Variants in CACNA2D3 observed in about 807,000 individuals in gnomAD.
CACNA2D3 encodes the protein calcium voltage-gated channel auxiliary subunit alpha2delta 3, also known as voltage-dependent calcium channel subunit alpha-2/delta-3.
In CACNA2D3, 60 loss-of-function variants were observed where a neutral mutation model predicts 160.6. The ratio of observed to expected loss-of-function variants is 0.37; its 90% CI spans 0.30 to 0.46. The LOEUF is 0.46. CACNA2D3 is among the 20% of genes least tolerant of loss of function. The probability of loss-of-function intolerance (pLI) is 1.00; values close to 1 mark genes in which losing one functional copy is unlikely to be tolerated. For missense variants in CACNA2D3, 1,205 were observed against 1,365.0 expected, an observed-to-expected ratio of 0.88 and a Z score of 1.85; for synonymous variants, 558 against 492.9, an observed-to-expected ratio of 1.13 and a Z score of -1.75.
intron 5 of CACNA2D3, among the ~76,000 whole-genome samples, chr3:54,534,665 A>G (rs1406068084): frequency 6.6e-6 from 1 of 152,112 alleles, no homozygotes; most frequent in African/African-American, 2.4e-5. Context: ...GCTCATGCCT[A>G]TAATCCCAAC....
chr3:54,972,381 G>A (rs1702294244), intron 29 of CACNA2D3, among the ~76,000 whole-genome samples: 1 of 152,172 alleles, frequency 6.6e-6, no homozygotes, highest in South Asian at 2.1e-4. Flanking sequence ...AGAAAAGTCA[G>A]TCCTGCCTTC....
intron 13 of CACNA2D3, among the ~76,000 whole-genome samples, chr3:54,791,868 C>A (rs1012615620): frequency 3.3e-5 from 5 of 152,160 alleles, no homozygotes; most frequent in Non-Finnish European, 5.9e-5. Context: ...AAGTTTGTTT[C>A]CTGGCAAGCA....
chr3:55,016,960 G>T (rs1456143261), intron 34 of CACNA2D3, among the ~76,000 whole-genome samples: 1 of 152,152 alleles, frequency 6.6e-6, no homozygotes, highest in African/African-American at 2.4e-5. Flanking sequence ...AGCACTGATG[G>T]CTTGCTTAGT....
intron 17 of CACNA2D3, among the ~76,000 whole-genome samples, 166 bp from the exon 18 acceptor site, chr3:54,871,373 C>T (rs1040238068): frequency 2.0e-5 from 3 of 152,166 alleles, no homozygotes; most frequent in African/African-American, 7.2e-5. Flanking sequence ...CTTGGCTTTC[C>T]TGTCATTAAA....
chr3:54,581,903 C>T (rs757797095), intron 9 of CACNA2D3, 26 bp downstream of exon 9: 14 of 1,590,272 alleles, frequency 8.8e-6, no homozygotes, highest in Non-Finnish European at 1.1e-5. Context: ...GGGAGCATTC[C>T]AGTCATGGTA....
At chr3:54,665,705 C>G (rs1700053574) in intron 11 of CACNA2D3, among the ~76,000 whole-genome samples, 2 of 150,620 alleles carry the variant, frequency 1.3e-5, no homozygotes, top group Non-Finnish European at 3.0e-5. Flanking sequence ...TCTTTGGCCC[C>G]AAATTTTATG....
At chr3:54,736,164 CAG>C (rs1483129128) in intron 11 of CACNA2D3, among the ~76,000 whole-genome samples, 63 of 97,664 alleles carry the variant, frequency 6.5e-4, no homozygotes, top group African/African-American at 1.5e-3. Context: ...CACACACACA[CAG>C]ACACACATAA....
chr3:54,475,434 T>G (rs978434605), intron 4 of CACNA2D3, among the ~76,000 whole-genome samples: 1 of 152,176 alleles, frequency 6.6e-6, no homozygotes, highest in African/African-American at 2.4e-5. Flanking sequence ...CTGTTTTGCT[T>G]TGTTTTATTT....
At chr3:54,812,235 T>G (rs914918504) in intron 13 of CACNA2D3, among the ~76,000 whole-genome samples, 1 of 152,176 alleles carries the variant, frequency 6.6e-6, no homozygotes, top group African/African-American at 2.4e-5. Flanking sequence ...ATATCTTTAA[T>G]AGAGTCATTT....
chr3:54,627,998 C>T (rs544307261), intron 10 of CACNA2D3, 122 bp downstream of exon 10: 101 of 684,142 alleles, frequency 1.5e-4, no homozygotes, highest in South Asian at 1.3e-3. Flanking sequence ...TTTGGGAGGC[C>T]GAGATGGGCG....
At chr3:54,199,002 T>C (rs1397691676) in intron 2 of CACNA2D3, among the ~76,000 whole-genome samples, 1 of 152,246 alleles carries the variant, frequency 6.6e-6, no homozygotes, top group Admixed American at 6.5e-5. Context: ...CCTTTTCTTT[T>C]CTCATCATTT....
intron 10 of CACNA2D3, among the ~76,000 whole-genome samples, chr3:54,636,466 A>T (rs1232073770): frequency 6.6e-6 from 1 of 151,990 alleles, no homozygotes; most frequent in African/African-American, 2.4e-5. Flanking sequence ...TGCGTCAGGT[A>T]TGAGGAAGAA....
chr3:54,457,366 T>C (rs1700417842), intron 4 of CACNA2D3, among the ~76,000 whole-genome samples: 1 of 152,090 alleles, frequency 6.6e-6, no homozygotes, highest in African/African-American at 2.4e-5. Flanking sequence ...TTTGTATAGT[T>C]CTGAAAGTTC....
intron 2 of CACNA2D3, among the ~76,000 whole-genome samples, chr3:54,135,562 C>G (rs1461183862): frequency 6.6e-6 from 1 of 152,222 alleles, no homozygotes; most frequent in Admixed American, 6.5e-5. Flanking sequence ...TCACTCCAGC[C>G]TCTGCTTCCT....
At chr3:54,608,015 A>G (rs1186081487) in intron 9 of CACNA2D3, among the ~76,000 whole-genome samples, 1 of 152,076 alleles carries the variant, frequency 6.6e-6, no homozygotes, top group African/African-American at 2.4e-5. Context: ...GGAGGGGAGT[A>G]TAGGGCGATA....
At chr3:54,173,890 G>A (rs897617461) in intron 2 of CACNA2D3, among the ~76,000 whole-genome samples, 24 of 152,166 alleles carry the variant, frequency 1.6e-4, no homozygotes, top group African/African-American at 5.8e-4. Context: ...GTAAATCCCT[G>A]TGAGCTTGTT....
At chr3:54,582,370 T>C (rs973243257) in intron 9 of CACNA2D3, among the ~76,000 whole-genome samples, 4 of 152,230 alleles carry the variant, frequency 2.6e-5, no homozygotes, top group Admixed American at 1.3e-4. Flanking sequence ...CCATTAATAT[T>C]GTGGAACAAA....
chr3:54,530,437 G>A (rs1701789136), intron 5 of CACNA2D3, among the ~76,000 whole-genome samples: 1 of 152,162 alleles, frequency 6.6e-6, no homozygotes, highest in Non-Finnish European at 1.5e-5. Flanking sequence ...TTCCCACTCC[G>A]AAGGGCAGTG....
chr3:54,721,065 ATTATT>A (rs10553537), intron 11 of CACNA2D3, among the ~76,000 whole-genome samples: 25,006 of 152,072 alleles, frequency 0.16, 2,308 homozygotes, highest in Non-Finnish European at 0.21. Flanking sequence ...GTTAGTAAAC[ATTATT>A]TTATTATTTA....
Sources: gnomAD v4.1 joint callset for allele counts (sites outside exome capture counted in the v4.1 genomes callset) on GRCh38, gnomAD v4.1.1 for gene constraint, MANE v1.5 for transcripts, NCBI Gene and HGNC (gene_info 2026-07-23, HGNC 2026-07-21) for gene names.